Variants in RALGAPA1 observed in about 807,000 individuals in gnomAD.
The protein encoded by RALGAPA1 is ral GTPase-activating protein subunit alpha-1.
RALGAPA1 carries 52 observed loss-of-function variants against 269.6 expected under a neutral mutation model. The observed-to-expected ratio is 0.19, with a 90% CI of 0.15 to 0.24. The LOEUF (loss-of-function observed/expected upper bound fraction) is 0.24. Among genes scored for constraint, RALGAPA1 ranks in the 10% least tolerant of loss-of-function variants. RALGAPA1 has a pLI of 1.00. For synonymous variants in RALGAPA1, 817 were observed against 1,008.3 expected (o/e 0.81, Z 3.60); for missense variants, 1,917 against 3,013.9 (o/e 0.64, Z 8.52).
At chr14:35,645,526 C>T (rs1356293246) in intron 31 of RALGAPA1, among the ~76,000 whole-genome samples, 1 of 151,978 alleles carries the variant, frequency 6.6e-6, no homozygotes, top group Non-Finnish European at 1.5e-5. Flanking sequence ...GTCAGGAGAT[C>T]GAGACCATCC....
chr14:35,571,580 C>A (rs888541723), intron 38 of RALGAPA1, among the ~76,000 whole-genome samples: 1 of 151,948 alleles, frequency 6.6e-6, no homozygotes, highest in African/African-American at 2.4e-5. Flanking sequence ...GAGGCTGAGA[C>A]AGGGAATTGC....
In RALGAPA1 at chr14:35,623,492, T is replaced by C. The variant is rs539527172; in HGVS notation, c.6929+1869A>G. On this transcript the variant is annotated intron_variant, in intron 35 of 41. Transcript: ENST00000680220. ...AATATGTGGAAAATATTAACATCAC[T>C]AGCAGAAGAGAAAAAAAAATTAAAG... Among the ~76,000 whole-genome samples, 8 of 152,166 alleles carry C rather than the reference T, an allele frequency of 5.3e-5. No individual in the cohort carries two copies. In the South Asian group the frequency reaches 8.3e-4, roughly 16 times the overall value.
At chr14:35,542,190 C>A in intron 41 of RALGAPA1, 1 of 329,688 alleles carries the variant, frequency 3.0e-6, no homozygotes, top group South Asian at 2.6e-5. Context: ...ATGTGGTAGC[C>A]ACAGCCACAT....
chr14:35,721,593 C>A, intron 16 of RALGAPA1, 95 bp downstream of exon 16: 1 of 1,150,986 alleles, frequency 8.7e-7, no homozygotes, highest in South Asian at 1.8e-5. Flanking sequence ...CAACAATAAT[C>A]AACTGGTAAG....
intron 12 of RALGAPA1, among the ~76,000 whole-genome samples, chr14:35,733,709 G>A (rs899802337): frequency 1.3e-5 from 2 of 151,750 alleles, no homozygotes; most frequent in Admixed American, 6.6e-5. Flanking sequence ...CAGAAGAAAG[G>A]AAATAACCAA....
chr14:35,686,465 C>CATATATGTCAATTT, intron 19 of RALGAPA1, 77 bp downstream of exon 19: 4 of 1,049,256 alleles, frequency 3.8e-6, no homozygotes, highest in Non-Finnish European at 5.1e-6. Context: ...TATAAATTGA[C>CATATATGTCAATTT]ATATATGTAC....
At chr14:35,695,071 CTG>C (rs1394747309) in intron 17 of RALGAPA1, among the ~76,000 whole-genome samples, 1 of 151,938 alleles carries the variant, frequency 6.6e-6, no homozygotes, top group African/African-American at 2.4e-5. Flanking sequence ...CACAGCAAGA[CTG>C]TGTCTCAAAA....
chr14:35,711,200 T>C (rs750521292), intron 16 of RALGAPA1, among the ~76,000 whole-genome samples: 4 of 152,236 alleles, frequency 2.6e-5, no homozygotes, highest in Non-Finnish European at 4.4e-5. Flanking sequence ...TGTCTTTTAA[T>C]TGGTTTATTT....
At chr14:35,566,488 T>C (rs1048782679) in intron 39 of RALGAPA1, among the ~76,000 whole-genome samples, 1 of 152,128 alleles carries the variant, frequency 6.6e-6, no homozygotes, top group Non-Finnish European at 1.5e-5. Flanking sequence ...TATCCAAATA[T>C]AATCAAGCTT....
intron 6 of RALGAPA1, among the ~76,000 whole-genome samples, chr14:35,759,780 C>T (rs569093396): frequency 1.3e-5 from 2 of 151,770 alleles, no homozygotes; most frequent in East Asian, 3.9e-4. Flanking sequence ...GGCATGGTGG[C>T]ACACACCTGT....
rs1243451732 is a variant in RALGAPA1 at position 35,746,316 on chromosome 14, G to C, written c.1251+2269C>G. The stretch of plus-strand genomic sequence containing the variant: ...AAGGTTCAGTTATGTGGGATGAACA[G>C]GTTCTGGATATCTAGCATGGTGACT... On this transcript the variant is annotated intron_variant, in intron 10 of 41. Coordinates refer to ENST00000680220, the MANE Select transcript of RALGAPA1 (RefSeq NM_001346249.2). 2.0e-5 allele frequency among the ~76,000 whole-genome samples: 3 copies of C among 152,242 alleles called. No individual in the cohort carries two copies. In the East Asian group the frequency reaches 5.8e-4, roughly 29 times the overall value.
chr14:35,688,360 T>C, intron 18 of RALGAPA1, 99 bp downstream of exon 18: 2 of 1,364,368 alleles, frequency 1.5e-6, no homozygotes, highest in African/African-American at 2.9e-5. Flanking sequence ...GCAGTGACCA[T>C]CCCAAAGCTT....
chr14:35,651,986 A>T, intron 30 of RALGAPA1, 113 bp from the exon 31 acceptor site: 1 of 724,840 alleles, frequency 1.4e-6, no homozygotes. Context: ...CTGCAAATTT[A>T]TTCTAAACAC....
chr14:35,676,144 C>T (rs1261399956), intron 22 of RALGAPA1: 2 of 152,134 alleles, frequency 1.3e-5, no homozygotes, highest in African/African-American at 2.4e-5. Flanking sequence ...CTCTAACTTA[C>T]CCTTTTCAAA....
chr14:35,758,243 C>CAA (rs66473514), intron 6 of RALGAPA1, among the ~76,000 whole-genome samples: 345 of 48,822 alleles, frequency 7.1e-3, no homozygotes, highest in Non-Finnish European at 8.2e-3. Flanking sequence ...GACTCTGTCT[C>CAA]AAAAAAAAAA....
chr14:35,726,159 G>C (rs1005912925), intron 13 of RALGAPA1, among the ~76,000 whole-genome samples: 1 of 152,070 alleles, frequency 6.6e-6, no homozygotes, highest in East Asian at 1.9e-4. Flanking sequence ...TGGCAGGGGC[G>C]GCAACAGATC....
intron 35 of RALGAPA1, 111 bp downstream of exon 35, chr14:35,625,250 A>G (rs2139579987): frequency 3.1e-6 from 2 of 643,354 alleles, no homozygotes; most frequent in South Asian, 3.8e-5. Context: ...TCAGAAAGTT[A>G]TAAATCAATA....
At chr14:35,647,112 G>C (rs905769095) in intron 31 of RALGAPA1, among the ~76,000 whole-genome samples, 8 of 151,968 alleles carry the variant, frequency 5.3e-5, no homozygotes, top group African/African-American at 1.9e-4. Context: ...ACCTTTCTAA[G>C]GCTCAATTCT....
intron 1 of RALGAPA1, among the ~76,000 whole-genome samples, chr14:35,788,339 A>C (rs1358816102): frequency 6.6e-6 from 1 of 152,140 alleles, no homozygotes; most frequent in East Asian, 1.9e-4. Flanking sequence ...CCCTGATTCA[A>C]TTTTATTTCC....
Sources: gnomAD v4.1 joint callset for allele counts (sites outside exome capture counted in the v4.1 genomes callset) on GRCh38, gnomAD v4.1.1 for gene constraint, MANE v1.5 for transcripts, NCBI Gene and HGNC (gene_info 2026-07-23, HGNC 2026-07-21) for gene names.